STAG1: variants seen among roughly 807,000 people sequenced by gnomAD.
The protein encoded by STAG1 is STAG1 cohesin complex component, also known as cohesin subunit SA-1.
In STAG1, 26 loss-of-function variants were observed where a neutral mutation model predicts 170.9. The observed-to-expected ratio is 0.15, with a 90% CI of 0.11 to 0.21. The LOEUF (loss-of-function observed/expected upper bound fraction) is 0.21, where lower values mean the gene tolerates loss of function less well. Ranked by LOEUF, STAG1 falls within the 10% of genes least tolerant of loss-of-function variation. The pLI, the probability that STAG1 is intolerant of heterozygous loss-of-function variation, is 1.00. For missense variants in STAG1, 964 were observed against 1,509.5 expected (o/e 0.64, Z 5.99); for synonymous variants, 514 against 497.7 (o/e 1.03, Z -0.44).
intron 27 of STAG1, 90 bp downstream of exon 27, chr3:136,359,058 T>C (rs1201779033): frequency 3.8e-6 from 4 of 1,053,810 alleles, no homozygotes; most frequent in Admixed American, 2.7e-5. Context: ...TAAAATTCTA[T>C]CGTCACTTTA....
At chr3:136,699,549 T>A (rs1942987041) in intron 1 of STAG1, among the ~76,000 whole-genome samples, 1 of 151,728 alleles carries the variant, frequency 6.6e-6, no homozygotes, top group South Asian at 2.1e-4. Flanking sequence ...CACGTCTAAT[T>A]TATTTTTTTT....
intron 2 of STAG1, among the ~76,000 whole-genome samples, chr3:136,625,457 C>T (rs970651901): frequency 6.6e-6 from 1 of 152,216 alleles, no homozygotes; most frequent in African/African-American, 2.4e-5. Flanking sequence ...CTCAAATTCA[C>T]CAAATGCCAC....
intron 22 of STAG1, among the ~76,000 whole-genome samples, chr3:136,387,116 G>A (rs2086892326): frequency 6.6e-6 from 1 of 152,214 alleles, no homozygotes; most frequent in South Asian, 2.1e-4. Context: ...ACAAGGCAAA[G>A]AAGTTAACTT....
At chr3:136,567,477 T>C (rs1197569383) in intron 5 of STAG1, among the ~76,000 whole-genome samples, 6 of 152,240 alleles carry the variant, frequency 3.9e-5, no homozygotes, top group Non-Finnish European at 5.9e-5. Flanking sequence ...TAACTTCCTT[T>C]TACTCATCTT....
chr3:136,374,518 G>A (rs539062463), intron 23 of STAG1, among the ~76,000 whole-genome samples: 61 of 152,164 alleles, frequency 4.0e-4, no homozygotes, highest in African/African-American at 1.4e-3. Context: ...TAGGGAGGCT[G>A]AGGCAGGAGA....
At chr3:136,529,031 C>T (rs1482792522) in intron 6 of STAG1, among the ~76,000 whole-genome samples, 1 of 151,754 alleles carries the variant, frequency 6.6e-6, no homozygotes, top group African/African-American at 2.4e-5. Context: ...ATAAAAAATA[C>T]ATTTGCAAGC....
chr3:136,480,946 C>T (rs2089889152), intron 9 of STAG1, among the ~76,000 whole-genome samples: 2 of 145,462 alleles, frequency 1.4e-5, no homozygotes, highest in Admixed American at 7.0e-5. Context: ...TGAGACTTTG[C>T]TGAAGTCGCT....
chr3:136,628,125 G>T (rs1275911850), intron 2 of STAG1, among the ~76,000 whole-genome samples: 2 of 152,104 alleles, frequency 1.3e-5, no homozygotes, highest in African/African-American at 4.8e-5. Flanking sequence ...CTATGCTGTT[G>T]TTGTGATAGT....
At chr3:136,619,537 C>A (rs1258226528) in intron 3 of STAG1, among the ~76,000 whole-genome samples, 2 of 151,734 alleles carry the variant, frequency 1.3e-5, no homozygotes, top group Non-Finnish European at 2.9e-5. Flanking sequence ...GCTGGTGGAT[C>A]ACTTCAGGTC....
intron 6 of STAG1, among the ~76,000 whole-genome samples, chr3:136,540,822 C>CAAAAAAAAAAAAA (rs554338920): frequency 0.011 from 516 of 46,326 alleles, 90 homozygotes; most frequent in South Asian, 0.021. Flanking sequence ...ACTGTGTCTC[C>CAAAAAAAAAAAAA]AAAAAAAAAA....
intron 1 of STAG1, among the ~76,000 whole-genome samples, chr3:136,687,060 T>C (rs1296094361): frequency 6.6e-6 from 1 of 152,186 alleles, no homozygotes; most frequent in Non-Finnish European, 1.5e-5. Flanking sequence ...TTTAATATGA[T>C]GGTGTAAGTT....
chr3:136,579,272 G>C (rs974618815), intron 4 of STAG1, among the ~76,000 whole-genome samples: 6 of 152,164 alleles, frequency 3.9e-5, no homozygotes, highest in African/African-American at 1.4e-4. Context: ...GTATACCTTC[G>C]TACTCAACTA....
At chr3:136,417,686 G>C (rs564586935) in intron 21 of STAG1, 199 bp downstream of exon 21, 11 of 460,540 alleles carry the variant, frequency 2.4e-5, no homozygotes, top group African/African-American at 2.0e-4. Context: ...TATAGCAAAA[G>C]TTTTTTCTAC....
chr3:136,724,045 G>A (rs1342000090), intron 1 of STAG1, among the ~76,000 whole-genome samples: 8 of 151,398 alleles, frequency 5.3e-5, no homozygotes, highest in Admixed American at 1.3e-4. Context: ...CTGCCCGGCC[G>A]CCCCTACTGG....
chr3:136,546,120 A>G (rs1936144620), intron 5 of STAG1, among the ~76,000 whole-genome samples: 1 of 152,180 alleles, frequency 6.6e-6, no homozygotes, highest in Admixed American at 6.5e-5. Flanking sequence ...GCACTATCCT[A>G]GCTAGAGCTA....
At chr3:136,465,619 G>C (rs957955148) in intron 12 of STAG1, among the ~76,000 whole-genome samples, 4 of 142,936 alleles carry the variant, frequency 2.8e-5, no homozygotes, top group African/African-American at 1.0e-4. Context: ...GAAATTGTTT[G>C]CAGGTTATAT....
At chr3:136,589,879 C>T (rs1451938443) in intron 4 of STAG1, among the ~76,000 whole-genome samples, 2 of 151,732 alleles carry the variant, frequency 1.3e-5, no homozygotes, top group Non-Finnish European at 2.9e-5. Flanking sequence ...TGCAGTGAAC[C>T]GAGATCGAGC....
At chr3:136,596,997 C>T (rs1221226154) in intron 4 of STAG1, among the ~76,000 whole-genome samples, 1 of 152,168 alleles carries the variant, frequency 6.6e-6, no homozygotes, top group Non-Finnish European at 1.5e-5. Flanking sequence ...ATCACTTGAA[C>T]CTGGGAGGCA....
Position 136,452,099 on chromosome 3 carries a change from C to T in STAG1, c.1362G>A (p.Arg454=). Residue 454 remains arginine, a synonymous_variant, in exon 14 of 34, where the codon AGG becomes AGA. Coordinates refer to ENST00000383202, the MANE Select transcript of STAG1 (RefSeq NM_005862.3). The part of the protein sequence containing the change: ...DPQAEEALAK[R]RGRNSPNGNL... ...TTCCATTCGGGCTGTTTCTTCCCCT[C>T]CTCTTTGCTAATGCTTCTTCTGCTT... is the stretch of plus-strand genomic sequence containing the variant. 6.2e-7 allele frequency: 1 copy of T among 1,613,562 alleles called. No individual in the cohort carries two copies. Among genetic ancestry groups the T allele is most frequent in the Non-Finnish European group, 8.5e-7 (1 of 1,179,872 alleles).
Sources: allele counts gnomAD v4.1 joint callset (sites outside exome capture counted in the v4.1 genomes callset), GRCh38; gene constraint gnomAD v4.1.1; transcripts MANE v1.5; gene names NCBI Gene and HGNC (gene_info 2026-07-23, HGNC 2026-07-21).